The following CEP85L variants were observed in gnomAD, a reference collection of about 807,000 sequenced individuals.
CEP85L encodes the protein centrosomal protein 85L, also known as centrosomal protein of 85 kDa-like.
CEP85L carries 60 observed loss-of-function variants against 100.3 expected under a neutral mutation model. The observed-to-expected ratio is 0.60, with a 90% CI of 0.49 to 0.74. The LOEUF (loss-of-function observed/expected upper bound fraction) is 0.74, where lower values mean the gene tolerates loss of function less well. CEP85L is among the 30% of genes least tolerant of loss of function. CEP85L has a pLI of 0.00. For synonymous variants in CEP85L, 319 were observed against 322.7 expected, an observed-to-expected ratio of 0.99 and a Z score of 0.12; for missense variants, 973 against 936.2, an observed-to-expected ratio of 1.04 and a Z score of -0.51.
intron 2 of CEP85L, among the ~76,000 whole-genome samples, chr6:118,590,929 C>T (rs942643306): frequency 6.6e-6 from 1 of 152,240 alleles, no homozygotes; most frequent in African/African-American, 2.4e-5. Flanking sequence ...GGTGTTCCTC[C>T]GGTCATCGGA....
chr6:118,525,982 A>G (rs1288777029), intron 3 of CEP85L, among the ~76,000 whole-genome samples: 2 of 152,216 alleles, frequency 1.3e-5, no homozygotes, highest in Non-Finnish European at 2.9e-5. Context: ...ACTCTTTGAG[A>G]TGACTGTCAA....
chr6:118,507,534 G>A (rs1383601822), intron 5 of CEP85L, among the ~76,000 whole-genome samples: 1 of 152,120 alleles, frequency 6.6e-6, no homozygotes, highest in African/African-American at 2.4e-5. Flanking sequence ...AACTGGGCCA[G>A]CCCTAAGCAA....
rs56893664 is a variant in CEP85L at position 118,505,409 on chromosome 6, C to CAAAAAAAAAA, written c.1257+5879_1257+5888dup. ...TGAGCCAAGATCACGTCACTGTACT[C>CAAAAAAAAAA]AAAAAAAAAAAAAAAAAAAAAAAAA... On this transcript the variant is annotated intron_variant, in intron 5 of 12. Transcript: ENST00000368491. Among the ~76,000 whole-genome samples, 19 of 71,822 alleles carry CAAAAAAAAAA rather than the reference C, an allele frequency of 2.6e-4. 1 individual carries two copies. The highest frequency in any genetic ancestry group is 2.9e-4 in the East Asian group (1 of 3,444). The allele number at this position is 71,822 out of a possible 152,430, so 47.1% of individuals were successfully genotyped here.
intron 10 of CEP85L, among the ~76,000 whole-genome samples, chr6:118,474,349 C>T (rs570035234): frequency 2.0e-4 from 31 of 152,296 alleles, no homozygotes; most frequent in South Asian, 1.2e-3. Context: ...CTGACAGAGC[C>T]AATAACACAC....
upstream of CEP85L, chr6:118,651,846 T>C (rs1775592588): frequency 1.0e-6 from 1 of 985,460 alleles, no homozygotes; most frequent in South Asian, 4.7e-5. Context: ...ACTTGGCCTA[T>C]TTTGCGATAC....
At chr6:118,467,608 C>T (rs9481809) in intron 12 of CEP85L, among the ~76,000 whole-genome samples, 7,843 of 152,226 alleles carry the variant, frequency 0.052, 384 homozygotes, top group African/African-American at 0.12. Context: ...GTAAGATTCA[C>T]ATTAGGATAG....
intron 1 of CEP85L, among the ~76,000 whole-genome samples, chr6:118,671,048 A>G (rs1042723015): frequency 6.6e-6 from 1 of 152,052 alleles, no homozygotes. Flanking sequence ...TGGTCACTGT[A>G]ACTTACAGTG....
intron 2 of CEP85L, among the ~76,000 whole-genome samples, chr6:118,569,056 T>C (rs574149056): frequency 6.6e-6 from 1 of 151,814 alleles, no homozygotes; most frequent in Non-Finnish European, 1.5e-5. Context: ...GAGTAAAATA[T>C]AGGGCTGGGG....
chr6:118,685,719 G>C (rs1302874201), intron 1 of CEP85L, among the ~76,000 whole-genome samples: 1 of 152,008 alleles, frequency 6.6e-6, no homozygotes, highest in African/African-American at 2.4e-5. Context: ...CATCATTATA[G>C]TTATTTTTAG....
intron 1 of CEP85L, among the ~76,000 whole-genome samples, chr6:118,641,390 T>C (rs1774858552): frequency 1.1e-5 from 1 of 92,486 alleles, no homozygotes; most frequent in Non-Finnish European, 2.5e-5. Context: ...GGCAAGCTGC[T>C]GGAAGAAAAA....
intron 4 of CEP85L, among the ~76,000 whole-genome samples, chr6:118,512,476 A>G (rs1776028138): frequency 6.6e-6 from 1 of 152,194 alleles, no homozygotes; most frequent in African/African-American, 2.4e-5. Context: ...GCAATTCTCA[A>G]CTGGGGACAG....
At chr6:118,511,225 A>C in intron 5 of CEP85L, 73 bp downstream of exon 5, 1 of 885,404 alleles carries the variant, frequency 1.1e-6, no homozygotes, top group Non-Finnish European at 1.8e-6. Flanking sequence ...AAATGTCCTT[A>C]TATTACAAGG....
intron 7 of CEP85L, among the ~76,000 whole-genome samples, chr6:118,482,261 C>T (rs188516681): frequency 9.2e-5 from 14 of 152,206 alleles, no homozygotes; most frequent in African/African-American, 3.1e-4. Flanking sequence ...AAGTGTATGA[C>T]AGGTTGAGGT....
chr6:118,704,672 C>T (rs1414742380), intron 1 of CEP85L, among the ~76,000 whole-genome samples: 5 of 152,004 alleles, frequency 3.3e-5, no homozygotes, highest in African/African-American at 4.8e-5. Flanking sequence ...GGTTTCACCA[C>T]GTTGGCCAGG....
chr6:118,502,801 C>G (rs35225683), intron 5 of CEP85L: 1 of 625,386 alleles, frequency 1.6e-6, no homozygotes, highest in Admixed American at 2.1e-5. Context: ...CAGGTGATAT[C>G]GTAAGCATGT....
intron 10 of CEP85L, 34 bp from the exon 11 acceptor site, chr6:118,470,678 G>T: frequency 8.2e-7 from 1 of 1,216,596 alleles, no homozygotes; most frequent in South Asian, 1.3e-5. Context: ...AAGCAAAACA[G>T]GTTAACATGT....
At chr6:118,659,411 A>G (rs958375757) in intron 1 of CEP85L, among the ~76,000 whole-genome samples, 2 of 152,220 alleles carry the variant, frequency 1.3e-5, no homozygotes, top group Admixed American at 6.5e-5. Flanking sequence ...TTTCCATTAC[A>G]GTAATCTCCT....
chr6:118,570,817 A>G (rs1242459583), intron 2 of CEP85L, among the ~76,000 whole-genome samples: 1 of 152,158 alleles, frequency 6.6e-6, no homozygotes, highest in African/African-American at 2.4e-5. Context: ...CATAACCAGT[A>G]TCTGAGTTCT....
intron 3 of CEP85L, among the ~76,000 whole-genome samples, chr6:118,545,683 G>T (rs1229496971): frequency 6.6e-6 from 1 of 152,126 alleles, no homozygotes; most frequent in East Asian, 1.9e-4. Context: ...TCATGATTCA[G>T]TTGAAACTGA....
Sources: allele counts gnomAD v4.1 joint callset (sites outside exome capture counted in the v4.1 genomes callset), GRCh38; gene constraint gnomAD v4.1.1; transcripts MANE v1.5; gene names NCBI Gene and HGNC (gene_info 2026-07-23, HGNC 2026-07-21).